Variants in PMM2 observed in about 807,000 individuals in gnomAD.
The protein encoded by PMM2 is mannose-6-phosphate isomerase.
Under a neutral mutation model 33.2 loss-of-function variants are expected in PMM2, and 35 were observed. That is an observed-to-expected ratio of 1.06 (90% confidence interval 0.81 to 1.40). PMM2 has a LOEUF of 1.40. Among genes scored for constraint, PMM2 ranks in the 40% most tolerant of loss-of-function variants. The probability of loss-of-function intolerance (pLI) is 0.00; values close to 1 mark genes in which losing one functional copy is unlikely to be tolerated. For missense variants in PMM2, 386 were observed against 306.0 expected, an observed-to-expected ratio of 1.26 and a Z score of -1.95; for synonymous variants, 153 against 114.7, an observed-to-expected ratio of 1.33 and a Z score of -2.13.
intron 7 of PMM2, chr16:8,832,366 A>G: frequency 1.0e-6 from 1 of 985,386 alleles, no homozygotes; most frequent in Non-Finnish European, 1.2e-6. Context: ...ACCTTCCTGG[A>G]TGGGAATTGA....
At chr16:8,829,912 C>G (rs79052281) in intron 7 of PMM2, among the ~76,000 whole-genome samples, 22,051 of 152,208 alleles carry the variant, frequency 0.14, 1,698 homozygotes, top group East Asian at 0.24. Context: ...CCAAACAAGT[C>G]CCCTATTCTC....
At chr16:8,833,542 T>A in intron 7 of PMM2, among the ~76,000 whole-genome samples, 1 of 149,578 alleles carries the variant, frequency 6.7e-6, no homozygotes, top group Non-Finnish European at 1.5e-5. Context: ...TTTTAGGGGG[T>A]GGTATGGAGA....
At chr16:8,841,356 C>A (rs1221149971) in intron 7 of PMM2, among the ~76,000 whole-genome samples, 1 of 151,044 alleles carries the variant, frequency 6.6e-6, no homozygotes, top group Non-Finnish European at 1.5e-5. Flanking sequence ...GTAGGAAAGG[C>A]CTCTACTTAT....
At chr16:8,838,110 T>A (rs1257514951) in intron 7 of PMM2, among the ~76,000 whole-genome samples, 1 of 151,898 alleles carries the variant, frequency 6.6e-6, no homozygotes, top group East Asian at 1.9e-4. Context: ...TTCTTATGGG[T>A]TTTGGGATAG....
At chr16:8,836,874 G>A (rs2060851756) in intron 7 of PMM2, among the ~76,000 whole-genome samples, 1 of 152,050 alleles carries the variant, frequency 6.6e-6, no homozygotes, top group African/African-American at 2.4e-5. Context: ...AGAAAAAGGA[G>A]CATTAACTTT....
intron 7 of PMM2, chr16:8,832,705 G>A: frequency 3.0e-6 from 3 of 985,460 alleles, no homozygotes; most frequent in Non-Finnish European, 3.6e-6. Flanking sequence ...CTGTTGTAAA[G>A]TAATCTGATC....
chr16:8,805,587 T>G (rs563617026), intron 3 of PMM2, among the ~76,000 whole-genome samples: 1,360 of 122,038 alleles, frequency 0.011, 33 homozygotes, highest in African/African-American at 0.044. Context: ...ACTATAAGCA[T>G]TTTTTTTTTT....
intron 7 of PMM2, among the ~76,000 whole-genome samples, chr16:8,846,767 C>G (rs1443634366): frequency 6.6e-6 from 1 of 152,224 alleles, no homozygotes; most frequent in African/African-American, 2.4e-5. Context: ...TTGGCGCAGC[C>G]ACACTGCTGC....
At chr16:8,799,386 C>G (rs531897812) in intron 1 of PMM2, among the ~76,000 whole-genome samples, 1 of 152,246 alleles carries the variant, frequency 6.6e-6, no homozygotes, top group East Asian at 1.9e-4. Context: ...GAAGAACTAA[C>G]CTCCTCAGTT....
At chr16:8,826,748 C>A (rs985798344) in intron 7 of PMM2, among the ~76,000 whole-genome samples, 2 of 152,048 alleles carry the variant, frequency 1.3e-5, no homozygotes, top group Non-Finnish European at 2.9e-5. Flanking sequence ...AATATATAGA[C>A]CGAAGAAGAT....
In PMM2 at chr16:8,804,752, T is replaced by C; in HGVS notation, c.179-15T>C. 1 of 1,595,586 alleles carries C rather than the reference T, an allele frequency of 6.3e-7. No homozygotes were observed. Among genetic ancestry groups the C allele is most frequent in the East Asian group, 2.2e-5 (1 of 44,752 alleles). On this transcript the variant is annotated splice_polypyrimidine_tract_variant and intron_variant, in intron 2 of 7. Transcript: ENST00000268261. Reference sequence around the variant, plus strand: ...ATTCTTTGCATTCTAAGTGTTTTTTTGGTTTTGATTGTAGTGGTTGAAAAA... The same window carrying C: ...ATTCTTTGCATTCTAAGTGTTTTTTCGGTTTTGATTGTAGTGGTTGAAAAA...
chr16:8,801,080 A>G (rs2060613686), intron 1 of PMM2, among the ~76,000 whole-genome samples: 1 of 152,260 alleles, frequency 6.6e-6, no homozygotes, highest in South Asian at 2.1e-4. Flanking sequence ...AGGAATGATG[A>G]GCTAGATCTG....
intron 7 of PMM2, among the ~76,000 whole-genome samples, chr16:8,843,770 A>C (rs1426520761): frequency 6.6e-6 from 1 of 152,208 alleles, no homozygotes; most frequent in Non-Finnish European, 1.5e-5. Context: ...TGTCGGGAGC[A>C]GATTGGGTAA....
At chr16:8,845,890 G>A (rs1413716268) in intron 7 of PMM2, among the ~76,000 whole-genome samples, 3 of 151,908 alleles carry the variant, frequency 2.0e-5, no homozygotes, top group African/African-American at 7.3e-5. Context: ...GCTGAGGCAG[G>A]AGGTTCGCTC....
At chr16:8,835,946 G>A (rs550850204) in intron 7 of PMM2, among the ~76,000 whole-genome samples, 5,845 of 150,108 alleles carry the variant, frequency 0.039, 194 homozygotes, top group Middle Eastern at 0.12. Context: ...TGTAGCTGTA[G>A]TTCAGGAATA....
At chr16:8,844,933 G>T (rs777023926) in intron 7 of PMM2, among the ~76,000 whole-genome samples, 12 of 152,210 alleles carry the variant, frequency 7.9e-5, no homozygotes, top group Non-Finnish European at 1.8e-4. Flanking sequence ...GAGGACCTGA[G>T]GTCGTAGGTG....
chr16:8,826,572 T>C (rs1227200211), intron 7 of PMM2, among the ~76,000 whole-genome samples: 2 of 152,218 alleles, frequency 1.3e-5, no homozygotes, highest in Non-Finnish European at 2.9e-5. Context: ...ATGAAGACAG[T>C]TTTATTTCAT....
chr16:8,801,668 C>T (rs2060617047), intron 1 of PMM2, 131 bp from the exon 2 acceptor site: 1 of 576,128 alleles, frequency 1.7e-6, no homozygotes, highest in Non-Finnish European at 3.1e-6. Flanking sequence ...GAGACCCTAT[C>T]TCAAAAAAAA....
intron 2 of PMM2, among the ~76,000 whole-genome samples, chr16:8,803,217 T>C (rs2060626010): frequency 6.6e-6 from 1 of 152,238 alleles, no homozygotes; most frequent in Admixed American, 6.5e-5. Flanking sequence ...GGATCACCAT[T>C]ACTAGAAGAG....
Sources: gnomAD v4.1 joint callset for allele counts (sites outside exome capture counted in the v4.1 genomes callset) on GRCh38, gnomAD v4.1.1 for gene constraint, MANE v1.5 for transcripts, NCBI Gene and HGNC (gene_info 2026-07-23, HGNC 2026-07-21) for gene names.